The following DPP6 variants were observed in gnomAD, a reference collection of about 807,000 sequenced individuals.
DPP6 encodes A-type potassium channel modulatory protein DPP6.
DPP6 carries 69 observed loss-of-function variants against 122.6 expected under a neutral mutation model. The ratio of observed to expected loss-of-function variants is 0.56; its 90% CI spans 0.46 to 0.69. The LOEUF (loss-of-function observed/expected upper bound fraction) is 0.69, where lower values mean the gene tolerates loss of function less well. Among genes scored for constraint, DPP6 ranks in the 30% least tolerant of loss-of-function variants. DPP6 has a pLI of 0.00. For missense variants in DPP6, 928 were observed against 1,116.9 expected (o/e 0.83, Z 2.41); for synonymous variants, 418 against 433.1 (o/e 0.97, Z 0.43).
chr7:154,655,010 A>G (rs978705805), intron 6 of DPP6, among the ~76,000 whole-genome samples: 6 of 152,172 alleles, frequency 3.9e-5, no homozygotes, highest in African/African-American at 1.4e-4. Flanking sequence ...TAATTATTCA[A>G]TTAATATTTA....
chr7:154,313,130 A>G (rs1041771325), intron 1 of DPP6, among the ~76,000 whole-genome samples: 4 of 152,188 alleles, frequency 2.6e-5, no homozygotes, highest in Non-Finnish European at 4.4e-5. Context: ...CTAATATCCC[A>G]TCCACTTATT....
the DPP6 span, among the ~76,000 whole-genome samples, chr7:153,835,121 A>G: frequency 6.6e-6 from 1 of 152,252 alleles, no homozygotes; most frequent in African/African-American, 2.4e-5. Flanking sequence ...GAACTAATGG[A>G]AGAAAACTGA....
At position 154,036,019 on chromosome 7, in the gene DPP6, CTTGTGTGTGTGTGTGT is replaced by C. The variant is rs1353319114; in HGVS notation, c.51+148286_51+148301del. Reference sequence around the variant, plus strand: ...GAATGGCCAGGATTACGCGCGCGCGCTTGTGTGTGTGTGTGTGTGTGTGTGTGTATGTGAAAATAAA... The same window carrying C: ...GAATGGCCAGGATTACGCGCGCGCGCGTGTGTGTGTGTATGTGAAAATAAA... On this transcript the variant is annotated intron_variant, in intron 1 of 25. Transcript: ENST00000404039. 8.1e-5 allele frequency among the ~76,000 whole-genome samples: 12 copies of C among 148,398 alleles called. 1 individual carries two copies. Among genetic ancestry groups the C allele is most frequent in the African/African-American group, 2.7e-4 (11 of 40,564 alleles).
chr7:154,551,973 C>T (rs1321330537), intron 4 of DPP6, among the ~76,000 whole-genome samples: 1 of 152,140 alleles, frequency 6.6e-6, no homozygotes, highest in Admixed American at 6.5e-5. Context: ...AGTAAGTCTT[C>T]CATTCAATTT....
At chr7:154,721,742 G>A (rs1311251734) in intron 7 of DPP6, among the ~76,000 whole-genome samples, 1 of 150,002 alleles carries the variant, frequency 6.7e-6, no homozygotes, top group East Asian at 1.9e-4. Context: ...CCCCTTCAGA[G>A]AGAATGGATT....
chr7:154,337,098 C>T (rs187655593), intron 1 of DPP6, among the ~76,000 whole-genome samples: 46 of 152,312 alleles, frequency 3.0e-4, no homozygotes, highest in African/African-American at 1.1e-3. Context: ...TAGAAAGTTA[C>T]ATCACTCTTG....
At chr7:154,195,372 T>C (rs1798813955) in intron 1 of DPP6, among the ~76,000 whole-genome samples, 1 of 152,042 alleles carries the variant, frequency 6.6e-6, no homozygotes, top group East Asian at 1.9e-4. Context: ...AAATGGAAAC[T>C]GCCATTGGCT....
intron 6 of DPP6, among the ~76,000 whole-genome samples, chr7:154,649,516 A>G (rs1024266027): frequency 1.3e-5 from 2 of 152,176 alleles, no homozygotes; most frequent in African/African-American, 4.8e-5. Context: ...TCACTACCCC[A>G]GGACTGACTT....
chr7:154,600,867 G>A (rs1586714419), intron 5 of DPP6, among the ~76,000 whole-genome samples: 1 of 120,062 alleles, frequency 8.3e-6, no homozygotes, highest in African/African-American at 2.6e-5. Flanking sequence ...TGAGGCAGGT[G>A]GATCACCTGA....
intron 1 of DPP6, among the ~76,000 whole-genome samples, chr7:154,030,760 G>A (rs1799183987): frequency 6.6e-6 from 1 of 152,016 alleles, no homozygotes; most frequent in Non-Finnish European, 1.5e-5. Flanking sequence ...CCAGCCATAG[G>A]AAAACCTTCC....
chr7:154,303,830 C>T (rs1806076518), intron 1 of DPP6, among the ~76,000 whole-genome samples: 1 of 152,204 alleles, frequency 6.6e-6, no homozygotes. Context: ...TGACCAGCCA[C>T]TCTGCCGTGA....
At chr7:154,837,989 A>C (rs1052255687) in intron 16 of DPP6, among the ~76,000 whole-genome samples, 1 of 152,126 alleles carries the variant, frequency 6.6e-6, no homozygotes, top group Admixed American at 6.5e-5. Flanking sequence ...ACATTTTTTT[A>C]AAAATTGTTC....
intron 1 of DPP6, among the ~76,000 whole-genome samples, chr7:154,296,027 C>T (rs1805519819): frequency 6.8e-6 from 1 of 148,124 alleles, no homozygotes; most frequent in Non-Finnish European, 1.5e-5. Flanking sequence ...TCACTGCAAG[C>T]TCTACCTCCC....
At chr7:154,329,020 A>G (rs958210734) in intron 1 of DPP6, among the ~76,000 whole-genome samples, 6 of 152,194 alleles carry the variant, frequency 3.9e-5, no homozygotes, top group African/African-American at 1.4e-4. Flanking sequence ...TCTAACACTT[A>G]TTACATTTTT....
intron 7 of DPP6, among the ~76,000 whole-genome samples, chr7:154,701,432 G>C (rs938640980): frequency 6.6e-6 from 1 of 152,196 alleles, no homozygotes; most frequent in Non-Finnish European, 1.5e-5. Flanking sequence ...TTCTCCACGT[G>C]TTTTGATTTT....
At chr7:154,681,488 G>A (rs1839274567) in intron 7 of DPP6, among the ~76,000 whole-genome samples, 1 of 152,186 alleles carries the variant, frequency 6.6e-6, no homozygotes, top group African/African-American at 2.4e-5. Flanking sequence ...TTTGGATGAT[G>A]GGGCGTGGAG....
intron 7 of DPP6, among the ~76,000 whole-genome samples, chr7:154,690,993 G>T (rs1271967418): frequency 6.6e-6 from 1 of 152,172 alleles, no homozygotes; most frequent in African/African-American, 2.4e-5. Flanking sequence ...CATTTCTCAG[G>T]TTATTGTTTC....
intron 1 of DPP6, among the ~76,000 whole-genome samples, chr7:154,027,512 G>A (rs1464268963): frequency 2.0e-5 from 3 of 152,114 alleles, no homozygotes; most frequent in Admixed American, 6.5e-5. Context: ...TGCTAAGGGC[G>A]CTAGTCCCAT....
intron 6 of DPP6, among the ~76,000 whole-genome samples, chr7:154,642,701 G>A (rs1021037370): frequency 6.6e-6 from 1 of 152,154 alleles, no homozygotes; most frequent in Non-Finnish European, 1.5e-5. Context: ...CACTGTGGGA[G>A]GCTGATGTGG....
Sources: gnomAD v4.1 joint callset for allele counts (sites outside exome capture counted in the v4.1 genomes callset) on GRCh38, gnomAD v4.1.1 for gene constraint, MANE v1.5 for transcripts, NCBI Gene and HGNC (gene_info 2026-07-23, HGNC 2026-07-21) for gene names.